PDPK1: variants seen among roughly 807,000 people sequenced by gnomAD.
PDPK1 encodes the protein 3-phosphoinositide dependent protein kinase 1, also known as 3-phosphoinositide-dependent protein kinase 1.
In PDPK1, 7 loss-of-function variants were observed where a neutral mutation model predicts 39.8. The observed-to-expected ratio is 0.18, with a 90% CI of 0.10 to 0.33. PDPK1 has a LOEUF of 0.33. PDPK1 is among the 10% of genes least tolerant of loss of function. PDPK1 has a pLI of 1.00. For missense variants in PDPK1, 182 were observed against 384.7 expected (o/e 0.47, Z 4.41); for synonymous variants, 118 against 159.1 (o/e 0.74, Z 1.95).
intron 11 of PDPK1, 98 bp downstream of exon 11, chr16:2,586,991 C>T: frequency 9.6e-7 from 1 of 1,036,380 alleles, no homozygotes; most frequent in Non-Finnish European, 1.5e-6. Flanking sequence ...CTGCCTCCCT[C>T]AGCAGCCTTG....
At chr16:2,539,773 G>A (rs1300376291) in intron 1 of PDPK1, among the ~76,000 whole-genome samples, 5 of 152,194 alleles carry the variant, frequency 3.3e-5, no homozygotes, top group African/African-American at 9.7e-5. Context: ...CAGTCATGGC[G>A]AAATTTGTGA....
At chr16:2,544,077 G>A (rs1285396350) in intron 1 of PDPK1, among the ~76,000 whole-genome samples, 1 of 151,200 alleles carries the variant, frequency 6.6e-6, no homozygotes, top group Non-Finnish European at 1.5e-5. Context: ...ATAAAAAAAA[G>A]TCTGTGCATG....
chr16:2,602,464 AAC>A lies in PDPK1; in HGVS notation c.*4700_*4701del, dbSNP rs1440347027. 6 of 235,228 alleles carry A rather than the reference AAC, an allele frequency of 2.6e-5. No homozygotes were observed. The highest frequency in any genetic ancestry group is 1.3e-4 in the African/African-American group (6 of 45,368). 14.6% of individuals were successfully genotyped at this position (235,228 alleles called of 1,614,324 possible). A position where few individuals can be genotyped will look rare whatever the true frequency, so the allele number is the denominator to read the frequency against. ...GTAACTCATTTCTTCCATATGAAGAAACACCAAACTATGTACAGAGAACTTTT... is the reference window on the plus strand; with the variant it reads ...GTAACTCATTTCTTCCATATGAAGAAACCAAACTATGTACAGAGAACTTTT... On this transcript the variant is annotated 3_prime_UTR_variant, in exon 14 of 14. Transcript: ENST00000342085.
chr16:2,553,170 T>TA (rs1162812696), intron 1 of PDPK1, among the ~76,000 whole-genome samples: 72 of 130,816 alleles, frequency 5.5e-4, no homozygotes, highest in Admixed American at 1.0e-3. Flanking sequence ...CTTTTTTTTT[T>TA]AAAAAAAAAA....
rs368594243 is a variant in PDPK1 at position 2,601,629 on chromosome 16, G to T, written c.*3862G>T. On this transcript the variant is annotated 3_prime_UTR_variant, in exon 14 of 14. Transcript: ENST00000342085. ...TAGGACATTTGGAATCAGTAGCAGA[G>T]CAAAGCCTCTTTGAAAAAAACCACG... 41 of 233,788 alleles carry T rather than the reference G, an allele frequency of 1.8e-4. No individual in the cohort carries two copies. The highest frequency in any genetic ancestry group is 7.9e-4 in the African/African-American group (36 of 45,376). 14.5% of individuals were successfully genotyped at this position (233,788 alleles called of 1,614,324 possible).
chr16:2,592,602 G>T, intron 11 of PDPK1: 1 of 359,952 alleles, frequency 2.8e-6, no homozygotes, highest in East Asian at 7.6e-5. Flanking sequence ...TTGAACCCAG[G>T]AGGCAGAGGT....
In PDPK1 at chr16:2,601,757, C is replaced by G. The variant is rs1156947345; in HGVS notation, c.*3990C>G. On this transcript the variant is annotated 3_prime_UTR_variant, in exon 14 of 14. Coordinates refer to ENST00000342085, the MANE Select transcript of PDPK1 (RefSeq NM_002613.5). ...CACAAGAGCCCAGCAGCCAGGCTGG[C>G]TTTTTCATTGTAGGGCGTGGTTGTC... The G allele has an allele frequency of 1.9e-5, 4 of 211,530 alleles. No individual in the cohort carries two copies. The highest frequency in any genetic ancestry group is 3.8e-5 in the Non-Finnish European group (4 of 104,688). The allele number at this position is 211,530 out of a possible 1,614,324, so 13.1% of individuals were successfully genotyped here. A position where few individuals can be genotyped will look rare whatever the true frequency, so the allele number is the denominator to read the frequency against.
chr16:2,551,970 G>C (rs1397378409), intron 1 of PDPK1, among the ~76,000 whole-genome samples: 3 of 150,572 alleles, frequency 2.0e-5, no homozygotes, highest in Non-Finnish European at 3.0e-5. Context: ...CCGGCAAAGA[G>C]AGTATCTACT....
At chr16:2,544,709 A>G (rs1597018431) in intron 1 of PDPK1, among the ~76,000 whole-genome samples, 5 of 151,314 alleles carry the variant, frequency 3.3e-5, no homozygotes, top group Admixed American at 2.0e-4. Context: ...TCAGCCTCCC[A>G]AGTAGCTGGG....
chr16:2,558,000 G>A (rs62040723), intron 2 of PDPK1, 37 bp downstream of exon 2: 303,934 of 1,567,114 alleles, frequency 0.19, 18 homozygotes, highest in Middle Eastern at 0.22. Flanking sequence ...AAACGTACGT[G>A]ATTTCCTTGG....
rs1483189765 is a variant in PDPK1 at position 2,602,281 on chromosome 16, GCCA to G, written c.*4519_*4521del. The G allele has an allele frequency of 1.3e-5, 3 of 234,560 alleles. No homozygotes were observed. The highest frequency in any genetic ancestry group is 2.2e-5 in the African/African-American group (1 of 45,268). The allele number at this position is 234,560 out of a possible 1,614,324, so 14.5% of individuals were successfully genotyped here. Reference sequence around the variant, plus strand: ...GGAGGCACTTCAGAGCCTCTGAGGGGCCACCACTTCTGGCCCAAAATTGCAGGG... The same window carrying G: ...GGAGGCACTTCAGAGCCTCTGAGGGGCCACTTCTGGCCCAAAATTGCAGGG... On this transcript the variant is annotated 3_prime_UTR_variant, in exon 14 of 14. Transcript: ENST00000342085.
chr16:2,592,354 G>A (rs547813824), intron 11 of PDPK1, among the ~76,000 whole-genome samples: 1 of 152,294 alleles, frequency 6.6e-6, no homozygotes, highest in East Asian at 1.9e-4. Context: ...GGAAAGTCCC[G>A]TGTGCATGGC....
chr16:2,597,631 A>G lies in PDPK1; in HGVS notation c.1555-20A>G. 1 of 1,570,008 alleles carries G rather than the reference A, an allele frequency of 6.4e-7. No individual in the cohort carries two copies. ...TGGTGGGACTCCCTGGAGAACACTA[A>G]ACGGCTTCTGTCTTCGCAGCCTAAC... On this transcript the variant is annotated intron_variant, in intron 13 of 13. Coordinates refer to ENST00000342085, the MANE Select transcript of PDPK1 (RefSeq NM_002613.5). The surrounding 1 kb of genome is among the most constrained non-coding windows in gnomAD (Gnocchi z 6.3).
At chr16:2,544,793 C>T (rs2066308136) in intron 1 of PDPK1, among the ~76,000 whole-genome samples, 1 of 152,054 alleles carries the variant, frequency 6.6e-6, no homozygotes, top group Non-Finnish European at 1.5e-5. Flanking sequence ...ACCCTGTTAG[C>T]TAGGATGGAA....
At chr16:2,543,954 C>G (rs1391121797) in intron 1 of PDPK1, among the ~76,000 whole-genome samples, 2 of 145,988 alleles carry the variant, frequency 1.4e-5, no homozygotes, top group Non-Finnish European at 3.0e-5. Context: ...AGGCTGGTCT[C>G]GAGCTCCTGA....
intron 12 of PDPK1, among the ~76,000 whole-genome samples, chr16:2,596,735 T>C (rs1358963805): frequency 1.3e-5 from 2 of 152,206 alleles, no homozygotes; most frequent in Admixed American, 6.5e-5. Context: ...CTCCAGGTGC[T>C]CACGGGGCCA....
At chr16:2,587,770 C>T (rs948611204) in intron 11 of PDPK1, among the ~76,000 whole-genome samples, 1 of 152,216 alleles carries the variant, frequency 6.6e-6, no homozygotes, top group Admixed American at 6.5e-5. Flanking sequence ...TGTATGGAGA[C>T]TATTCCTTGT....
intron 1 of PDPK1, chr16:2,538,659 C>G: frequency 7.8e-7 from 1 of 1,288,974 alleles, no homozygotes; most frequent in South Asian, 1.2e-5. Flanking sequence ...CCTTTCACGG[C>G]CCGGCCAAGG....
At position 2,587,027 on chromosome 16, in the gene PDPK1, A is replaced by G. The variant is rs567269053; in HGVS notation, c.1343+134A>G. ...GACGCTTGGCCAAGGAGCACATCGTAAGTGCACAGTTGGAAACAGGTGCTT... is the reference window on the plus strand; with the variant it reads ...GACGCTTGGCCAAGGAGCACATCGTGAGTGCACAGTTGGAAACAGGTGCTT... On this transcript the variant is annotated intron_variant, in intron 11 of 13. Transcript: ENST00000342085. 2.3e-5 allele frequency: 18 copies of G among 780,720 alleles called. No homozygotes were observed. In the African/African-American group the frequency reaches 2.7e-4, roughly 12 times the overall value. 48.4% of individuals were successfully genotyped at this position (780,720 alleles called of 1,614,324 possible).
Sources: gnomAD v4.1 joint callset for allele counts (sites outside exome capture counted in the v4.1 genomes callset) on GRCh38, gnomAD v4.1.1 for gene constraint, Gnocchi (gnomAD v3.1) non-coding constraint, MANE v1.5 for transcripts, NCBI Gene and HGNC (gene_info 2026-07-23, HGNC 2026-07-21) for gene names.